AGTPBP1: variants seen among roughly 807,000 people sequenced by gnomAD.
AGTPBP1 encodes ATP/GTP binding carboxypeptidase 1.
In AGTPBP1, 70 loss-of-function variants were observed where a neutral mutation model predicts 143.9. That is an observed-to-expected ratio of 0.49 (90% CI 0.40 to 0.59). The LOEUF (loss-of-function observed/expected upper bound fraction) is 0.59. AGTPBP1 is among the 20% of genes least tolerant of loss of function. The probability of loss-of-function intolerance (pLI) is 0.00; values close to 1 mark genes in which losing one functional copy is unlikely to be tolerated. For synonymous variants in AGTPBP1, 463 were observed against 500.2 expected (o/e 0.93, Z 0.99); for missense variants, 1,229 against 1,464.5 (o/e 0.84, Z 2.62).
intron 2 of AGTPBP1, among the ~76,000 whole-genome samples, chr9:85,701,572 A>G (rs1332259049): frequency 6.6e-6 from 1 of 152,318 alleles, no homozygotes; most frequent in East Asian, 1.9e-4. Flanking sequence ...AAAGAATTAA[A>G]TCAATTACTA....
chr9:85,779,200 G>GAT, the AGTPBP1 span, among the ~76,000 whole-genome samples: 1 of 77,438 alleles, frequency 1.3e-5, no homozygotes, highest in African/African-American at 5.0e-5. Flanking sequence ...TATAGATATA[G>GAT]ATATAGATAT....
chr9:85,778,937 A>C, the AGTPBP1 span, among the ~76,000 whole-genome samples: 2 of 152,186 alleles, frequency 1.3e-5, no homozygotes, highest in East Asian at 1.9e-4. Flanking sequence ...AGGAGTGTCA[A>C]ATGCATTTAT....
chr9:85,704,898 G>A (rs1455186931), intron 2 of AGTPBP1, among the ~76,000 whole-genome samples: 1 of 152,144 alleles, frequency 6.6e-6, no homozygotes, highest in Non-Finnish European at 1.5e-5. Flanking sequence ...AGACTACAAT[G>A]TCTGAGATGA....
chr9:85,657,515 T>TG lies in AGTPBP1; in HGVS notation c.828_829insC (p.Lys277GlnfsTer15). 1 of 1,613,990 alleles carries TG rather than the reference T, an allele frequency of 6.2e-7. No individual in the cohort carries two copies. Among genetic ancestry groups the TG allele is most frequent in the Non-Finnish European group, 8.5e-7 (1 of 1,179,918 alleles). On this transcript the variant is annotated frameshift_variant, in exon 10 of 26. Transcript: ENST00000357081. LOFTEE classifies it high-confidence loss of function. ...CCCAACTTGATGTTTGTAACACTTT[T>TG]TAAACTCTGTAAAATTCCTTTCCGA...
At chr9:85,750,828 C>G in the AGTPBP1 span, among the ~76,000 whole-genome samples, 3 of 152,212 alleles carry the variant, frequency 2.0e-5, no homozygotes, top group Non-Finnish European at 4.4e-5. Context: ...TCATCTCCCA[C>G]TAGCATTATA....
chr9:85,746,311 C>CT (rs1452357926), upstream of AGTPBP1, among the ~76,000 whole-genome samples: 1 of 152,144 alleles, frequency 6.6e-6, no homozygotes, highest in Non-Finnish European at 1.5e-5. Context: ...CTTTCCACTA[C>CT]TTAACCCACC....
chr9:85,616,653 C>T (rs1830618254), intron 17 of AGTPBP1, among the ~76,000 whole-genome samples: 1 of 151,802 alleles, frequency 6.6e-6, no homozygotes. Flanking sequence ...ATTAATTGTT[C>T]TTTTCTCCTC....
chr9:85,626,692 C>T (rs1831317678), intron 14 of AGTPBP1, among the ~76,000 whole-genome samples: 1 of 151,780 alleles, frequency 6.6e-6, no homozygotes, highest in Admixed American at 6.6e-5. Context: ...ACTTCTCCTA[C>T]AAAGAGCCAG....
At chr9:85,763,935 T>C in the AGTPBP1 span, among the ~76,000 whole-genome samples, 4 of 152,156 alleles carry the variant, frequency 2.6e-5, no homozygotes, top group African/African-American at 7.2e-5. Context: ...AATTTGACCA[T>C]AGTGAACATC....
intron 11 of AGTPBP1, among the ~76,000 whole-genome samples, chr9:85,650,042 CTTTTTTT>C (rs35903806): frequency 1.6e-4 from 17 of 109,220 alleles, no homozygotes; most frequent in Middle Eastern, 7.6e-3. Flanking sequence ...CTAAACTTTC[CTTTTTTT>C]TTTTTTTTTT....
intron 25 of AGTPBP1, among the ~76,000 whole-genome samples, chr9:85,549,951 C>A (rs1564000875): frequency 6.6e-6 from 1 of 152,168 alleles, no homozygotes; most frequent in South Asian, 2.1e-4. Context: ...ACTCCTATAA[C>A]CCACAATGGC....
intron 25 of AGTPBP1, among the ~76,000 whole-genome samples, chr9:85,556,944 T>C (rs1826387304): frequency 6.6e-6 from 1 of 152,112 alleles, no homozygotes; most frequent in Non-Finnish European, 1.5e-5. Flanking sequence ...GAACCACAGA[T>C]TTAAAAACTT....
At chr9:85,611,830 G>A (rs1229771286) in intron 17 of AGTPBP1, among the ~76,000 whole-genome samples, 1 of 152,092 alleles carries the variant, frequency 6.6e-6, no homozygotes, top group Non-Finnish European at 1.5e-5. Flanking sequence ...ACAGGTGTGT[G>A]CCACCAAGCC....
At chr9:85,606,394 A>G (rs1308838535) in intron 17 of AGTPBP1, among the ~76,000 whole-genome samples, 2 of 99,778 alleles carry the variant, frequency 2.0e-5, no homozygotes, top group Admixed American at 8.9e-5. Context: ...TAAAAAGAGA[A>G]AAAAAAAAAA....
At chr9:85,641,183 A>AG (rs113430919) in intron 13 of AGTPBP1, among the ~76,000 whole-genome samples, 38 of 152,284 alleles carry the variant, frequency 2.5e-4, no homozygotes, top group African/African-American at 8.7e-4. Flanking sequence ...CCCACGGATA[A>AG]GGGGGGCCTA....
chr9:85,691,284 A>G (rs79286419), intron 3 of AGTPBP1, among the ~76,000 whole-genome samples: 5,770 of 152,194 alleles, frequency 0.038, 293 homozygotes, highest in African/African-American at 0.11. Context: ...CATGGGCTAC[A>G]TGGGAGGAAG....
In AGTPBP1 at chr9:85,669,475, A is replaced by G; in HGVS notation, c.662+10T>C. On this transcript the variant is annotated intron_variant, in intron 8 of 25. Coordinates refer to ENST00000357081, the MANE Select transcript of AGTPBP1 (RefSeq NM_001330701.2). Reference sequence around the variant, plus strand: ...CTATACCTATGTTTACATTCAAAACATTTACTCACTTTATAAGACTGGAAT... The same window carrying G: ...CTATACCTATGTTTACATTCAAAACGTTTACTCACTTTATAAGACTGGAAT... 1 of 1,569,666 alleles carries G rather than the reference A, an allele frequency of 6.4e-7. No individual in the cohort carries two copies. Among genetic ancestry groups the G allele is most frequent in the Non-Finnish European group, 8.8e-7 (1 of 1,141,724 alleles).
the AGTPBP1 span, among the ~76,000 whole-genome samples, chr9:85,762,602 C>T: frequency 7.4e-6 from 1 of 135,772 alleles, no homozygotes; most frequent in Non-Finnish European, 1.5e-5. Flanking sequence ...AGGGGAACAT[C>T]ACACACTGGG....
At chr9:85,586,302 T>A (rs1227337322) in intron 22 of AGTPBP1, among the ~76,000 whole-genome samples, 1 of 151,954 alleles carries the variant, frequency 6.6e-6, no homozygotes, top group Non-Finnish European at 1.5e-5. Context: ...TTAATTTAAG[T>A]GCATCATTTT....
Sources: allele counts gnomAD v4.1 joint callset (sites outside exome capture counted in the v4.1 genomes callset), GRCh38; gene constraint gnomAD v4.1.1; transcripts MANE v1.5; gene names NCBI Gene and HGNC (gene_info 2026-07-23, HGNC 2026-07-21).